LGR5: variants seen among roughly 807,000 people sequenced by gnomAD.
LGR5 encodes the protein leucine rich repeat containing G protein-coupled receptor 5, also known as leucine-rich repeat-containing G protein-coupled receptor 5.
LGR5 carries 54 observed loss-of-function variants against 76.7 expected under a neutral mutation model. That is an observed-to-expected ratio of 0.70 (90% CI 0.57 to 0.88). The LOEUF (loss-of-function observed/expected upper bound fraction) is 0.88, where lower values mean the gene tolerates loss of function less well. LGR5 is among the 40% of genes least tolerant of loss of function. The pLI is 0.00. For missense variants in LGR5, 1,078 were observed against 1,073.3 expected (o/e 1.00, Z -0.06); for synonymous variants, 406 against 421.9 (o/e 0.96, Z 0.46).
In LGR5 at chr12:71,496,010, G is replaced by T. The variant is rs1032626766; in HGVS notation, c.213-8604G>T. On this transcript the variant is annotated intron_variant, in intron 1 of 17. Coordinates refer to ENST00000266674, the MANE Select transcript of LGR5 (RefSeq NM_003667.4). ...CGTGAAAAGATGCTCAGCTCTATGAGACATGAGGAAAATGCAAATTATAAC... is the reference window on the plus strand; with the variant it reads ...CGTGAAAAGATGCTCAGCTCTATGATACATGAGGAAAATGCAAATTATAAC... Among the ~76,000 whole-genome samples the T allele has an allele frequency of 3.3e-5, 5 of 152,144 alleles. No homozygotes were observed. In the East Asian group the frequency reaches 5.8e-4, roughly 18 times the overall value.
At chr12:71,571,416 G>A in intron 11 of LGR5, 98 bp from the exon 12 acceptor site, 1 of 819,026 alleles carries the variant, frequency 1.2e-6, no homozygotes, top group South Asian at 1.8e-5. Context: ...GTCTGCCTTT[G>A]GGAGATATAA....
At chr12:71,453,147 G>A (rs1185152335) in intron 1 of LGR5, among the ~76,000 whole-genome samples, 3 of 152,178 alleles carry the variant, frequency 2.0e-5, no homozygotes, top group Admixed American at 6.5e-5. Flanking sequence ...AGAACTAGAG[G>A]AGAAAGAAGG....
At chr12:71,576,494 C>T (rs1288965115) in intron 13 of LGR5, among the ~76,000 whole-genome samples, 1 of 152,096 alleles carries the variant, frequency 6.6e-6, no homozygotes, top group African/African-American at 2.4e-5. Flanking sequence ...GGGCCCTGAC[C>T]TCCCTTTCCT....
At chr12:71,527,124 A>T (rs1452058618) in intron 3 of LGR5, among the ~76,000 whole-genome samples, 1 of 152,156 alleles carries the variant, frequency 6.6e-6, no homozygotes, top group Non-Finnish European at 1.5e-5. Flanking sequence ...CAGACTTTGC[A>T]CTATAGCTGG....
At chr12:71,493,512 G>A (rs1430406909) in intron 1 of LGR5, among the ~76,000 whole-genome samples, 2 of 151,076 alleles carry the variant, frequency 1.3e-5, no homozygotes, top group African/African-American at 4.9e-5. Context: ...GGTATTCTGA[G>A]GGCCTAACTT....
chr12:71,485,431 T>C (rs1371223662), intron 1 of LGR5, among the ~76,000 whole-genome samples: 1 of 152,008 alleles, frequency 6.6e-6, no homozygotes, highest in African/African-American at 2.4e-5. Flanking sequence ...ATGAAGAAAT[T>C]TGGGGCTAGG....
Position 71,524,405 on chromosome 12 carries a change from G to C in LGR5, c.285-1G>C. 6.2e-7 allele frequency: 1 copy of C among 1,611,020 alleles called. No individual in the cohort carries two copies. Among genetic ancestry groups the C allele is most frequent in the Non-Finnish European group, 8.5e-7 (1 of 1,177,864 alleles). On this transcript the variant is annotated splice_acceptor_variant, in intron 2 of 17. Transcript: ENST00000266674. LOFTEE classifies it high-confidence loss of function. ...TCTCTCCTCTCCATTGAAACCCACA[G>C]ACGTCTTGCGGGAAACGCTCTGACA... is the stretch of plus-strand genomic sequence containing the variant.
chr12:71,581,660 C>T (rs1879097490), intron 16 of LGR5, among the ~76,000 whole-genome samples: 1 of 152,226 alleles, frequency 6.6e-6, no homozygotes, highest in Non-Finnish European at 1.5e-5. Flanking sequence ...GCCTCACCCA[C>T]TCTAATTTCT....
chr12:71,454,134 A>G (rs926203832), intron 1 of LGR5, among the ~76,000 whole-genome samples: 1 of 152,116 alleles, frequency 6.6e-6, no homozygotes, highest in South Asian at 2.1e-4. Context: ...GTCTCTGCAG[A>G]TGTTCTGTAC....
At chr12:71,576,865 A>G (rs1043524971) in intron 13 of LGR5, among the ~76,000 whole-genome samples, 2 of 152,184 alleles carry the variant, frequency 1.3e-5, no homozygotes, top group East Asian at 1.9e-4. Flanking sequence ...GAGCAGCTCA[A>G]CAGAAGACAG....
chr12:71,565,186 G>A (rs1391424093), intron 8 of LGR5, among the ~76,000 whole-genome samples: 1 of 151,840 alleles, frequency 6.6e-6, no homozygotes, highest in African/African-American at 2.4e-5. Context: ...TAGGTTTGTT[G>A]GGTAGCAACT....
chr12:71,475,112 A>G (rs945041304), intron 1 of LGR5, among the ~76,000 whole-genome samples: 1 of 152,202 alleles, frequency 6.6e-6, no homozygotes, highest in African/African-American at 2.4e-5. Flanking sequence ...TCTCCCAAAA[A>G]TGCATCTAGG....
chr12:71,440,200 C>A lies in LGR5; in HGVS notation c.120C>A (p.Cys40Ter), dbSNP rs1347472684. Residue 40 changes from cysteine (C) to a stop codon, truncating the protein, a stop_gained, in exon 1 of 18, where the codon TGC becomes TGA. Transcript: ENST00000266674. LOFTEE classifies it high-confidence loss of function. The surrounding 1 kb of genome is among the most constrained non-coding windows in gnomAD (Gnocchi z 5.3). ...GGGGCTGCCCCACACACTGTCATTG[C>A]GAGCCCGACGGCAGGATGTTGCTCA... ...LLRGCPTHCH[C>*]EPDGRMLLRV... is the part of the protein sequence containing the mutation. 3.1e-6 allele frequency: 5 copies of A among 1,612,332 alleles called. No homozygotes were observed. The South Asian group carries it at 4.4e-5, about 14-fold the overall frequency.
At chr12:71,552,362 C>T (rs956743066) in intron 4 of LGR5, among the ~76,000 whole-genome samples, 4 of 152,168 alleles carry the variant, frequency 2.6e-5, no homozygotes, top group East Asian at 3.9e-4. Flanking sequence ...GTCAGGAGTT[C>T]GAGACCAACC....
chr12:71,474,122 T>C (rs1565671222), intron 1 of LGR5, among the ~76,000 whole-genome samples: 2 of 142,680 alleles, frequency 1.4e-5, no homozygotes, highest in Non-Finnish European at 3.0e-5. Context: ...TGAATATATA[T>C]TTCAATTCTA....
chr12:71,531,076 T>C (rs1231023340), intron 3 of LGR5, among the ~76,000 whole-genome samples: 1 of 152,076 alleles, frequency 6.6e-6, no homozygotes, highest in Non-Finnish European at 1.5e-5. Context: ...ATAGTGATTA[T>C]TTTAAAGCTC....
At chr12:71,550,926 CTT>C (rs1333063992) in intron 4 of LGR5, among the ~76,000 whole-genome samples, 1 of 152,212 alleles carries the variant, frequency 6.6e-6, no homozygotes, top group African/African-American at 2.4e-5. Context: ...GCAATCACCT[CTT>C]TATCTCCTGA....
chr12:71,489,285 C>A (rs1425353304), intron 1 of LGR5, among the ~76,000 whole-genome samples: 1 of 152,136 alleles, frequency 6.6e-6, no homozygotes, highest in Non-Finnish European at 1.5e-5. Context: ...TTTATCCATA[C>A]AATGATGAGT....
chr12:71,547,346 T>C (rs185158786), intron 4 of LGR5, among the ~76,000 whole-genome samples: 130 of 152,150 alleles, frequency 8.5e-4, no homozygotes, highest in African/African-American at 3.1e-3. Context: ...AAAGAATGTA[T>C]GGTAAATAGA....
Sources: allele counts gnomAD v4.1 joint callset (sites outside exome capture counted in the v4.1 genomes callset), GRCh38; gene constraint gnomAD v4.1.1; non-coding constraint Gnocchi (gnomAD v3.1); transcripts MANE v1.5; gene names NCBI Gene and HGNC (gene_info 2026-07-23, HGNC 2026-07-21).